NAPB: variants seen among roughly 807,000 people sequenced by gnomAD.
The protein encoded by NAPB is beta-soluble NSF attachment protein.
A neutral mutation model predicts 44.7 loss-of-function variants in NAPB; 26 were observed. The observed-to-expected ratio is 0.58, with a 90% CI of 0.43 to 0.81. The LOEUF (loss-of-function observed/expected upper bound fraction) is 0.81. Ranked by LOEUF, NAPB falls within the 30% of genes least tolerant of loss-of-function variation. The pLI is 0.00. For missense variants in NAPB, 315 were observed against 356.4 expected (o/e 0.88, Z 0.94); for synonymous variants, 120 against 116.8 (o/e 1.03, Z -0.18).
At chr20:23,416,188 G>A (rs1985992842) in intron 1 of NAPB, among the ~76,000 whole-genome samples, 1 of 152,112 alleles carries the variant, frequency 6.6e-6, no homozygotes, top group South Asian at 2.1e-4. Context: ...AGACTTCCAA[G>A]GAGCCACATA....
chr20:23,386,383 A>C (rs1417004474), intron 7 of NAPB, among the ~76,000 whole-genome samples: 3 of 152,272 alleles, frequency 2.0e-5, no homozygotes, highest in Admixed American at 2.0e-4. Context: ...AGGAATTCAC[A>C]CCAATCCTTT....
intron 10 of NAPB, among the ~76,000 whole-genome samples, chr20:23,377,872 C>T (rs6137915): frequency 0.076 from 11,560 of 152,090 alleles, 668 homozygotes; most frequent in East Asian, 0.3. Flanking sequence ...TGTATGGAAG[C>T]GGAATTAACA....
At chr20:23,400,275 C>A (rs1378026006) in intron 2 of NAPB, among the ~76,000 whole-genome samples, 2 of 152,156 alleles carry the variant, frequency 1.3e-5, no homozygotes, top group East Asian at 3.9e-4. Flanking sequence ...GTAATCCCAG[C>A]ACTTAGGGTG....
At position 23,421,290 on chromosome 20, in the gene NAPB, C is replaced by T. The variant is rs894203784; in HGVS notation, c.98+15G>A. The T allele has an allele frequency of 2.6e-6, 4 of 1,532,640 alleles. No homozygotes were observed. The highest frequency in any genetic ancestry group is 3.5e-6 in the Non-Finnish European group (4 of 1,133,488). 94.9% of individuals were successfully genotyped at this position (1,532,640 alleles called of 1,614,324 possible). A position where few individuals can be genotyped will look rare whatever the true frequency, so the allele number is the denominator to read the frequency against. ...AGACCCCCCCCCCCCAGGGCACGCA[C>T]GGTCTGGCGCTCACCCAAACAGCCC... On this transcript the variant is annotated intron_variant, in intron 1 of 10. Transcript: ENST00000377026.
At chr20:23,414,289 T>C (rs562093362) in intron 1 of NAPB, among the ~76,000 whole-genome samples, 1 of 152,154 alleles carries the variant, frequency 6.6e-6, no homozygotes, top group South Asian at 2.1e-4. Context: ...ATCACTGCAC[T>C]CCAGCCTGGT....
intron 1 of NAPB, among the ~76,000 whole-genome samples, chr20:23,405,380 T>A (rs941208395): frequency 6.6e-6 from 1 of 151,934 alleles, no homozygotes; most frequent in African/African-American, 2.4e-5. Flanking sequence ...AAAACGCATA[T>A]CCACACAAAA....
intron 1 of NAPB, among the ~76,000 whole-genome samples, chr20:23,407,728 GA>G (rs1277083458): frequency 1.3e-5 from 2 of 149,366 alleles, no homozygotes; most frequent in African/African-American, 2.6e-5. Flanking sequence ...TTCACGGCCA[GA>G]AGGGTCTGAG....
Position 23,397,250 on chromosome 20 carries a change from T to C in NAPB, c.179-62A>G, listed in dbSNP as rs778302120. 1.0e-5 allele frequency: 16 copies of C among 1,540,726 alleles called. No homozygotes were observed. The African/African-American group carries it at 1.9e-4, about 18-fold the overall frequency. ...GTCCCCCCCAGAGCAGCCCATGCTGTAAGCACTGGACCTCCCTAGAAAAAT... is the reference window on the plus strand; with the variant it reads ...GTCCCCCCCAGAGCAGCCCATGCTGCAAGCACTGGACCTCCCTAGAAAAAT... On this transcript the variant is annotated intron_variant, in intron 2 of 10. Coordinates refer to ENST00000377026, the MANE Select transcript of NAPB (RefSeq NM_022080.3).
chr20:23,418,766 T>C (rs1388826442), intron 1 of NAPB, among the ~76,000 whole-genome samples: 8 of 147,204 alleles, frequency 5.4e-5, no homozygotes, highest in Non-Finnish European at 1.2e-4. Flanking sequence ...TGAAACCCCG[T>C]CTCTACTAAA....
At chr20:23,399,546 G>A (rs1984671951) in intron 2 of NAPB, among the ~76,000 whole-genome samples, 1 of 152,166 alleles carries the variant, frequency 6.6e-6, no homozygotes, top group Non-Finnish European at 1.5e-5. Context: ...TTACACTAAG[G>A]TATTTTGTTA....
chr20:23,415,448 G>A (rs533492887), intron 1 of NAPB, among the ~76,000 whole-genome samples: 1 of 151,988 alleles, frequency 6.6e-6, no homozygotes, highest in Non-Finnish European at 1.5e-5. Flanking sequence ...ACAAAAATTA[G>A]CTGGGTGTGG....
chr20:23,398,183 T>C (rs1464547267), intron 2 of NAPB, among the ~76,000 whole-genome samples: 1 of 152,088 alleles, frequency 6.6e-6, no homozygotes, highest in African/African-American at 2.4e-5. Context: ...AGAGTGCCTC[T>C]GAAAAATGAG....
At chr20:23,407,870 C>G (rs1985363074) in intron 1 of NAPB, among the ~76,000 whole-genome samples, 1 of 152,122 alleles carries the variant, frequency 6.6e-6, no homozygotes, top group Non-Finnish European at 1.5e-5. Context: ...TCTTGATTTC[C>G]CCCATCCTGA....
intron 1 of NAPB, among the ~76,000 whole-genome samples, chr20:23,420,578 C>A (rs554730023): frequency 6.6e-6 from 1 of 152,158 alleles, no homozygotes; most frequent in African/African-American, 2.4e-5. Context: ...CCGGCTCCAC[C>A]CCGGCGCGCC....
In NAPB at chr20:23,394,029, G is replaced by A. The variant is rs537993844; in HGVS notation, c.420+893C>T. ...AAAAGAGGAGAGGCCAGGCCACACA[G>A]ATGCATGGGGAGTGTGGGGCTGGGA... On this transcript the variant is annotated intron_variant, in intron 5 of 10. Transcript: ENST00000377026. Among the ~76,000 whole-genome samples, 4 of 152,300 alleles carry A rather than the reference G, an allele frequency of 2.6e-5. No individual in the cohort carries two copies. The East Asian group carries it at 7.7e-4, about 29-fold the overall frequency.
Position 23,395,185 on chromosome 20 carries a change from T to C in NAPB, c.296A>G (p.Glu99Gly). The part of the protein sequence containing the change: ...GNAYKKADPQ[E>G]AINCLNAAID... Reference sequence around the variant, plus strand: ...GGCTGCATTTAAGCAGTTGATAGCCTCTGAAGCGTAGGCATTTAAGAAAAA... The same window carrying C: ...GGCTGCATTTAAGCAGTTGATAGCCCCTGAAGCGTAGGCATTTAAGAAAAA... Residue 99 changes from glutamate to glycine, a missense_variant and splice_region_variant, in exon 4 of 11, where the codon GAG (glutamate) becomes GGG (glycine). Physicochemically the swap from Glu to Gly is moderately conservative, Grantham distance 98. Around this residue, in one of 3 missense-constraint regions of NAPB, gnomAD observed 179 missense variants for 182.5 expected, o/e 0.98. Coordinates refer to ENST00000377026, the MANE Select transcript of NAPB (RefSeq NM_022080.3). 1 of 1,614,118 alleles carries C rather than the reference T, an allele frequency of 6.2e-7. No individual in the cohort carries two copies. The highest frequency in any genetic ancestry group is 8.5e-7 in the Non-Finnish European group (1 of 1,179,998).
chr20:23,390,668 T>G (rs1285223364), intron 5 of NAPB, among the ~76,000 whole-genome samples: 1 of 152,110 alleles, frequency 6.6e-6, no homozygotes, highest in Non-Finnish European at 1.5e-5. Flanking sequence ...AAGTCCAGAG[T>G]GACACTGTAA....
chr20:23,391,799 A>G (rs747185583), intron 5 of NAPB, among the ~76,000 whole-genome samples: 16 of 152,224 alleles, frequency 1.1e-4, no homozygotes, highest in Non-Finnish European at 2.1e-4. Flanking sequence ...AAACCGTAAA[A>G]ACCATTTTTA....
intron 7 of NAPB, among the ~76,000 whole-genome samples, chr20:23,385,078 C>A (rs1983375861): frequency 1.3e-5 from 2 of 151,954 alleles, no homozygotes; most frequent in African/African-American, 4.8e-5. Context: ...AAAATCACTC[C>A]ACTGCGCTCC....
Sources: gnomAD v4.1 joint callset for allele counts (sites outside exome capture counted in the v4.1 genomes callset) on GRCh38, gnomAD v4.1.1 for gene constraint, gnomAD v4.1.1 regional missense constraint, MANE v1.5 for transcripts, NCBI Gene and HGNC (gene_info 2026-07-23, HGNC 2026-07-21) for gene names.